Variants in SDK2 observed in about 807,000 individuals in gnomAD.
SDK2 encodes the protein sidekick cell adhesion molecule 2.
A neutral mutation model predicts 253.9 loss-of-function variants in SDK2; 105 were observed. The ratio of observed to expected loss-of-function variants is 0.41; its 90% CI spans 0.35 to 0.49. The LOEUF (loss-of-function observed/expected upper bound fraction) is 0.49. Among genes scored for constraint, SDK2 ranks in the 20% least tolerant of loss-of-function variants. The pLI, the probability that SDK2 is intolerant of heterozygous loss-of-function variation, is 0.06. For synonymous variants in SDK2, 1,249 were observed against 1,234.9 expected (o/e 1.01, Z -0.24); for missense variants, 2,608 against 3,003.0 (o/e 0.87, Z 3.07).
intron 12 of SDK2, among the ~76,000 whole-genome samples, chr17:73,425,368 G>C (rs147688000): frequency 1.3e-5 from 2 of 152,360 alleles, no homozygotes; most frequent in East Asian, 3.9e-4. Context: ...ACATTTGAAT[G>C]TGTGCATATC....
At chr17:73,559,199 T>C (rs565800245) in intron 1 of SDK2, among the ~76,000 whole-genome samples, 11 of 152,146 alleles carry the variant, frequency 7.2e-5, no homozygotes, top group Admixed American at 1.3e-4. Flanking sequence ...TGGGGCAGAG[T>C]GACCCACGAA....
intron 1 of SDK2, chr17:73,518,506 C>T (rs1340881779): frequency 6.6e-6 from 1 of 152,166 alleles, no homozygotes; most frequent in Admixed American, 6.5e-5. Flanking sequence ...GCCGGGGCCT[C>T]CTGTTTGAAC....
intron 39 of SDK2, among the ~76,000 whole-genome samples, chr17:73,360,926 ACT>A (rs1160439532): frequency 6.8e-6 from 1 of 146,744 alleles, no homozygotes; most frequent in East Asian, 2.0e-4. Flanking sequence ...ACAGAGCGAG[ACT>A]CTGTCTCCAG....
At chr17:73,559,383 A>T (rs2045193181) in intron 1 of SDK2, among the ~76,000 whole-genome samples, 1 of 152,244 alleles carries the variant, frequency 6.6e-6, no homozygotes, top group African/African-American at 2.4e-5. Flanking sequence ...GTTGGCAAGA[A>T]GCAAGGAGTT....
intron 1 of SDK2, among the ~76,000 whole-genome samples, chr17:73,514,119 G>A (rs1294531554): frequency 6.6e-6 from 1 of 152,160 alleles, no homozygotes; most frequent in Non-Finnish European, 1.5e-5. Context: ...TGCATGGTAA[G>A]CTGTTCACAG....
rs1242694814 is a variant in SDK2, at chr17:73,380,930, G to A, written c.4726C>T (p.Leu1576=). 5 of 1,564,884 alleles carry A rather than the reference G, an allele frequency of 3.2e-6. No individual in the cohort carries two copies. The highest frequency in any genetic ancestry group is 4.3e-6 in the Non-Finnish European group (5 of 1,154,486). The change falls in exon 34 of 45, where the codon CTG becomes TTG. Residue 1576 remains leucine, a synonymous_variant. Transcript: ENST00000392650. ...ELTSMYSMRN[L]SRPSLTQYEL... is the part of the protein sequence containing the mutation. ...TACTGCGTGAGGCTGGGCCGGCTCA[G>A]GTTCCGCATGGAGTACATGGCTATG...
chr17:73,615,700 C>A (rs906149197), intron 1 of SDK2, among the ~76,000 whole-genome samples: 1 of 152,188 alleles, frequency 6.6e-6, no homozygotes, highest in African/African-American at 2.4e-5. Context: ...TGTGGGAAGA[C>A]AGAGTGATGC....
chr17:73,495,653 TG>T lies in SDK2; in HGVS notation c.224+11784del, dbSNP rs1466100611. Among the ~76,000 whole-genome samples the T allele has an allele frequency of 1.5e-3, 229 of 152,124 alleles. 2 individuals carry two copies. Among genetic ancestry groups the T allele is most frequent in the Middle Eastern group, 3.4e-3 (1 of 294 alleles). The stretch of plus-strand genomic sequence containing the variant: ...GTGTGTGTGTGTGTGTGTTTGTTTG[TG>T]TATGTGTGTGTGTGCATGCGTGCTA... On this transcript the variant is annotated intron_variant, in intron 2 of 44. Coordinates refer to ENST00000392650, the MANE Select transcript of SDK2 (RefSeq NM_001144952.2).
chr17:73,465,120 C>A lies in SDK2; in HGVS notation c.331+6992G>T, dbSNP rs2063588305. Among the ~76,000 whole-genome samples, 4 of 152,292 alleles carry A rather than the reference C, an allele frequency of 2.6e-5. No individual in the cohort carries two copies. In the South Asian group the frequency reaches 8.3e-4, roughly 32 times the overall value. ...GCCCCTAAGCATCCTGCATTCAATACCCACACCTCAGGCTGAAAATGAAGA... is the reference window on the plus strand; with the variant it reads ...GCCCCTAAGCATCCTGCATTCAATAACCACACCTCAGGCTGAAAATGAAGA... On this transcript the variant is annotated intron_variant, in intron 3 of 44. Transcript: ENST00000392650. This position sits in a 1 kb window ranked among gnomAD's most constrained non-coding sequence, Gnocchi z 4.2.
intron 1 of SDK2, among the ~76,000 whole-genome samples, chr17:73,601,743 G>GTT (rs59337775): frequency 8.1e-5 from 12 of 147,978 alleles, no homozygotes; most frequent in Non-Finnish European, 1.3e-4. Flanking sequence ...CTCCAGAACT[G>GTT]TTTTTTTTTT....
At position 73,390,441 on chromosome 17, in the gene SDK2, G is replaced by T; in HGVS notation, c.4038C>A (p.Asn1346Lys). 1 of 1,612,538 alleles carries T rather than the reference G, an allele frequency of 6.2e-7. No individual in the cohort carries two copies. The highest frequency in any genetic ancestry group is 8.5e-7 in the Non-Finnish European group (1 of 1,179,300). The change falls in exon 29 of 45, where the codon AAC becomes AAA. Residue 1346 changes from asparagine (N) to lysine (K), a missense_variant. Physicochemically the swap from Asn to Lys is moderately conservative, Grantham distance 94 (BLOSUM62 0). This residue lies in a region of SDK2 where 1,103 missense variants were observed against 1,143.9 expected (regional missense o/e 0.96). Coordinates refer to ENST00000392650, the MANE Select transcript of SDK2 (RefSeq NM_001144952.2). ...ITHRLNTTTA[N>K]TATVEVLAPS... ...GTGCCAGCACCTCCACAGTGGCGGT[G>T]TTGGCCGTGGTGGTGTTGAGCCGGT...
intron 6 of SDK2, among the ~76,000 whole-genome samples, chr17:73,439,836 G>C (rs2063399928): frequency 6.6e-6 from 1 of 152,174 alleles, no homozygotes; most frequent in Admixed American, 6.5e-5. Flanking sequence ...TTTCAACTCA[G>C]CTATCATCCA....
chr17:73,385,390 G>A (rs1445488313), intron 32 of SDK2, among the ~76,000 whole-genome samples: 1 of 152,128 alleles, frequency 6.6e-6, no homozygotes, highest in Admixed American at 6.5e-5. Context: ...TGATGATGAC[G>A]GGCATAGGTC....
chr17:73,553,782 G>A (rs559159730), intron 1 of SDK2, among the ~76,000 whole-genome samples: 5 of 152,330 alleles, frequency 3.3e-5, no homozygotes, highest in African/African-American at 1.2e-4. Flanking sequence ...GAGGGGGCAT[G>A]ACCAGCTCCA....
chr17:73,398,235 C>G, intron 23 of SDK2, 50 bp from the exon 24 acceptor site: 1 of 1,599,906 alleles, frequency 6.3e-7, no homozygotes, highest in South Asian at 1.1e-5. Context: ...TCACCCAACT[C>G]TCAACCCTGT....
chr17:73,629,141 G>T lies in SDK2; in HGVS notation c.64+14884C>A, dbSNP rs759447174. On this transcript the variant is annotated intron_variant, in intron 1 of 44. Coordinates refer to ENST00000392650, the MANE Select transcript of SDK2 (RefSeq NM_001144952.2). This position sits in a 1 kb window ranked among gnomAD's most constrained non-coding sequence, Gnocchi z 5.0. ...GCTCGCACCTCACTTGCCTTTCTTG[G>T]CTGCACATCCTCCTCTATAAAGTGA... is the stretch of plus-strand genomic sequence containing the variant. 1.3e-5 allele frequency among the ~76,000 whole-genome samples: 2 copies of T among 152,202 alleles called. No individual in the cohort carries two copies. The highest frequency in any genetic ancestry group is 2.4e-5 in the African/African-American group (1 of 41,442).
rs755806012 is a variant in SDK2, at chr17:73,357,618, AG to A, written c.5593+460del. 54 of 285,104 alleles carry A rather than the reference AG, an allele frequency of 1.9e-4. No homozygotes were observed. The Admixed American group carries it at 2.0e-3, about 11-fold the overall frequency. The allele number at this position is 285,104 out of a possible 1,614,324, so 17.7% of individuals were successfully genotyped here. On this transcript the variant is annotated intron_variant, in intron 40 of 44. Coordinates refer to ENST00000392650, the MANE Select transcript of SDK2 (RefSeq NM_001144952.2). ...TCACTCATCTCCTGATGGCTTTGGA[AG>A]TTCTTGTGATTCAATTTCAGGCTTG...
intron 44 of SDK2, among the ~76,000 whole-genome samples, chr17:73,339,422 A>G (rs911642072): frequency 2.6e-5 from 4 of 151,808 alleles, no homozygotes; most frequent in African/African-American, 9.7e-5. Flanking sequence ...GGGTTTCACC[A>G]TGTTAGCTAG....
Position 73,336,184 on chromosome 17 carries a change from A to G in SDK2, c.*2403T>C, listed in dbSNP as rs1180067385. The G allele has an allele frequency of 2.0e-5, 3 of 151,806 alleles. No homozygotes were observed. The highest frequency in any genetic ancestry group is 2.9e-5 in the Non-Finnish European group (2 of 67,906). 9.4% of individuals were successfully genotyped at this position (151,806 alleles called of 1,614,324 possible). On this transcript the variant is annotated 3_prime_UTR_variant, in exon 45 of 45. Coordinates refer to ENST00000392650, the MANE Select transcript of SDK2 (RefSeq NM_001144952.2). ...GAAAGGGATGAAGTTATTTAAAAAA[A>G]AAAAAAAAAAAAAGATGAGAGGAAA...
Sources: allele counts gnomAD v4.1 joint callset (sites outside exome capture counted in the v4.1 genomes callset), GRCh38; gene constraint gnomAD v4.1.1; regional missense constraint gnomAD v4.1.1; non-coding constraint Gnocchi (gnomAD v3.1); transcripts MANE v1.5; gene names NCBI Gene and HGNC (gene_info 2026-07-23, HGNC 2026-07-21).